SPOCK3: variants seen among roughly 807,000 people sequenced by gnomAD.
SPOCK3 encodes SPARC (osteonectin), cwcv and kazal like domains proteoglycan 3.
SPOCK3 carries 30 observed loss-of-function variants against 56.6 expected under a neutral mutation model. The observed-to-expected ratio is 0.53, with a 90% confidence interval of 0.40 to 0.72. SPOCK3 has a LOEUF of 0.72. Among genes scored for constraint, SPOCK3 ranks in the 30% least tolerant of loss-of-function variants. The pLI is 0.00. For missense variants in SPOCK3, 527 were observed against 530.0 expected (o/e 0.99, Z 0.06); for synonymous variants, 196 against 183.3 (o/e 1.07, Z -0.56).
intron 6 of SPOCK3, among the ~76,000 whole-genome samples, chr4:166,887,185 C>G (rs1734288468): frequency 6.6e-6 from 1 of 152,142 alleles, no homozygotes; most frequent in Admixed American, 6.5e-5. Context: ...CTTTAATGCA[C>G]ATAGAGTTCC....
intron 4 of SPOCK3, among the ~76,000 whole-genome samples, chr4:166,942,173 A>G (rs1029624139): frequency 4.6e-5 from 7 of 152,162 alleles, no homozygotes; most frequent in African/African-American, 1.4e-4. Flanking sequence ...CTATTTGAGT[A>G]TAGGTCACTC....
chr4:167,190,563 C>T (rs959862003), intron 2 of SPOCK3, among the ~76,000 whole-genome samples: 4 of 145,776 alleles, frequency 2.7e-5, no homozygotes. Flanking sequence ...ACATAGGTTG[C>T]CTTTTCATTT....
At chr4:166,917,435 T>C (rs2127118584) in intron 4 of SPOCK3, among the ~76,000 whole-genome samples, 1 of 152,220 alleles carries the variant, frequency 6.6e-6, no homozygotes, top group South Asian at 2.1e-4. Flanking sequence ...TGTGGTTGGA[T>C]TATGACGTAA....
chr4:167,221,944 T>G (rs143383245), intron 2 of SPOCK3, among the ~76,000 whole-genome samples: 1 of 152,274 alleles, frequency 6.6e-6, no homozygotes, highest in East Asian at 1.9e-4. Flanking sequence ...GACCCAGCAA[T>G]TCCACTTCTG....
intron 2 of SPOCK3, among the ~76,000 whole-genome samples, chr4:167,105,614 T>G: frequency 6.7e-6 from 1 of 150,284 alleles, no homozygotes; most frequent in East Asian, 1.9e-4. Context: ...TATTTATCAA[T>G]AATAACATTG....
At chr4:166,958,400 A>T (rs1743757407) in intron 4 of SPOCK3, among the ~76,000 whole-genome samples, 1 of 152,152 alleles carries the variant, frequency 6.6e-6, no homozygotes, top group South Asian at 2.1e-4. Flanking sequence ...AAGCAGTCTC[A>T]TGCATTTCTT....
intron 4 of SPOCK3, among the ~76,000 whole-genome samples, chr4:166,980,299 C>G (rs1404592282): frequency 6.6e-6 from 1 of 152,174 alleles, no homozygotes. Context: ...GATAATAAAT[C>G]ATTGTTGAAT....
chr4:167,166,100 A>G (rs1454278337), intron 2 of SPOCK3, among the ~76,000 whole-genome samples: 9 of 152,094 alleles, frequency 5.9e-5, no homozygotes, highest in African/African-American at 2.2e-4. Flanking sequence ...ATGCAATGAA[A>G]TTCTATAGCA....
intron 4 of SPOCK3, among the ~76,000 whole-genome samples, chr4:166,981,373 T>C (rs1303585751): frequency 1.3e-5 from 2 of 151,506 alleles, no homozygotes; most frequent in Non-Finnish European, 2.9e-5. Context: ...GAGTAGCTCC[T>C]TTCTGCGGGC....
At chr4:166,969,617 T>C (rs1309361899) in intron 4 of SPOCK3, among the ~76,000 whole-genome samples, 1 of 151,316 alleles carries the variant, frequency 6.6e-6, no homozygotes, top group African/African-American at 2.4e-5. Context: ...TGTGTTTGCT[T>C]CCTCTTTGCC....
At chr4:167,008,536 CT>C (rs1469553287) in intron 3 of SPOCK3, among the ~76,000 whole-genome samples, 1 of 152,030 alleles carries the variant, frequency 6.6e-6, no homozygotes, top group African/African-American at 2.4e-5. Context: ...AAAATGAATT[CT>C]CATTTTAGAT....
At chr4:167,159,380 C>T (rs1765086853) in intron 2 of SPOCK3, among the ~76,000 whole-genome samples, 1 of 151,884 alleles carries the variant, frequency 6.6e-6, no homozygotes, top group South Asian at 2.1e-4. Flanking sequence ...GCCCTTCTCT[C>T]ATAAAGCAGG....
intron 4 of SPOCK3, among the ~76,000 whole-genome samples, chr4:166,932,820 A>C (rs1739941238): frequency 6.6e-6 from 1 of 152,188 alleles, no homozygotes; most frequent in Non-Finnish European, 1.5e-5. Flanking sequence ...TGGATATTAC[A>C]AAGTAAAGTG....
chr4:166,834,245 C>T (rs1404899143), intron 6 of SPOCK3, among the ~76,000 whole-genome samples: 1 of 152,158 alleles, frequency 6.6e-6, no homozygotes, highest in Admixed American at 6.5e-5. Flanking sequence ...CCAAGCATCT[C>T]AAACCAACTC....
chr4:167,092,454 C>T (rs756243571), intron 2 of SPOCK3, among the ~76,000 whole-genome samples: 4 of 152,102 alleles, frequency 2.6e-5, no homozygotes, highest in African/African-American at 4.8e-5. Flanking sequence ...TTTCAGTTCT[C>T]TCTCCTCTGA....
intron 2 of SPOCK3, among the ~76,000 whole-genome samples, chr4:167,180,835 A>G (rs761031722): frequency 1.3e-5 from 2 of 152,216 alleles, no homozygotes; most frequent in Non-Finnish European, 2.9e-5. Context: ...TTTTAAAAGC[A>G]TATGTTACAG....
At chr4:167,030,939 C>T (rs577350279) in intron 3 of SPOCK3, among the ~76,000 whole-genome samples, 1 of 152,038 alleles carries the variant, frequency 6.6e-6, no homozygotes, top group Non-Finnish European at 1.5e-5. Context: ...GCACATTGCT[C>T]CATTTCCCGT....
intron 3 of SPOCK3, among the ~76,000 whole-genome samples, chr4:167,006,705 C>T (rs531612476): frequency 6.6e-6 from 1 of 152,160 alleles, no homozygotes; most frequent in African/African-American, 2.4e-5. Context: ...TTTGGGGAAA[C>T]CTTTAACTAT....
At chr4:167,170,760 C>A (rs1390675990) in intron 2 of SPOCK3, among the ~76,000 whole-genome samples, 1 of 152,074 alleles carries the variant, frequency 6.6e-6, no homozygotes, top group African/African-American at 2.4e-5. Flanking sequence ...TGTTGAAAAC[C>A]TGAAAACACT....
Sources: gnomAD v4.1 joint callset for allele counts (sites outside exome capture counted in the v4.1 genomes callset) on GRCh38, gnomAD v4.1.1 for gene constraint, MANE v1.5 for transcripts, NCBI Gene and HGNC (gene_info 2026-07-23, HGNC 2026-07-21) for gene names.